The following PLXNA4 variants were observed in gnomAD, a reference collection of about 807,000 sequenced individuals.
The protein encoded by PLXNA4 is plexin-A4.
Under a neutral mutation model 191.8 loss-of-function variants are expected in PLXNA4, and 44 were observed. The observed-to-expected ratio is 0.23, with a 90% CI of 0.18 to 0.29. PLXNA4 has a LOEUF of 0.29. Among genes scored for constraint, PLXNA4 ranks in the 10% least tolerant of loss-of-function variants. The pLI is 1.00. For synonymous variants in PLXNA4, 1,082 were observed against 1,009.5 expected, an observed-to-expected ratio of 1.07 and a Z score of -1.36; for missense variants, 1,800 against 2,488.8, an observed-to-expected ratio of 0.72 and a Z score of 5.89.
chr7:132,506,155 T>C (rs1245457759), intron 2 of PLXNA4, among the ~76,000 whole-genome samples: 1 of 152,080 alleles, frequency 6.6e-6, no homozygotes, highest in African/African-American at 2.4e-5. Context: ...GGAAAACAGC[T>C]TAAGCCTAAT....
chr7:132,609,067 G>C (rs1350011939), intron 2 of PLXNA4, among the ~76,000 whole-genome samples: 2 of 152,126 alleles, frequency 1.3e-5, no homozygotes, highest in Non-Finnish European at 2.9e-5. Context: ...TAAAGGCCCA[G>C]CTCAGTGTCC....
chr7:132,579,760 C>A (rs1042428552), upstream of PLXNA4, among the ~76,000 whole-genome samples: 2 of 151,496 alleles, frequency 1.3e-5, no homozygotes, highest in Non-Finnish European at 2.9e-5. Context: ...GGCCATATCT[C>A]AAATTGCCTT....
intron 4 of PLXNA4, among the ~76,000 whole-genome samples, chr7:132,285,207 T>C (rs1275350608): frequency 2.0e-5 from 3 of 152,236 alleles, no homozygotes; most frequent in African/African-American, 7.2e-5. Flanking sequence ...ATTCCCATTT[T>C]GTCGATGAAG....
In PLXNA4 at chr7:132,124,256, A is replaced by C. The variant is rs1794710601; in HGVS notation, c.*6223T>G. 1 of 152,232 alleles carries C rather than the reference A, an allele frequency of 6.6e-6. No individual in the cohort carries two copies. Among genetic ancestry groups the C allele is most frequent in the Non-Finnish European group, 1.5e-5 (1 of 68,036 alleles). The allele number at this position is 152,232 out of a possible 1,614,324, so 9.4% of individuals were successfully genotyped here. On this transcript the variant is annotated 3_prime_UTR_variant, in exon 32 of 32. Coordinates refer to ENST00000321063, the MANE Select transcript of PLXNA4 (RefSeq NM_020911.2). ...TAAGCTAGCTTTTCATTTTAAGAACAGAAGGTTTAACAAGTCAACAAGCTA... is the reference window on the plus strand; with the variant it reads ...TAAGCTAGCTTTTCATTTTAAGAACCGAAGGTTTAACAAGTCAACAAGCTA...
At chr7:132,179,378 T>G (rs1796622066) in intron 20 of PLXNA4, among the ~76,000 whole-genome samples, 1 of 147,674 alleles carries the variant, frequency 6.8e-6, no homozygotes, top group East Asian at 2.0e-4. Flanking sequence ...TGCTTGCTTG[T>G]ACATGAAACA....
At chr7:132,563,341 CCTCCTCTTT>C (rs1801440282) in intron 1 of PLXNA4, among the ~76,000 whole-genome samples, 1 of 113,942 alleles carries the variant, frequency 8.8e-6, no homozygotes, top group Non-Finnish European at 1.8e-5. Flanking sequence ...TCCTCCTTCT[CCTCCTCTTT>C]CTCCTCCTTC....
chr7:132,564,677 G>C (rs1048801887), intron 1 of PLXNA4, among the ~76,000 whole-genome samples: 1 of 152,150 alleles, frequency 6.6e-6, no homozygotes, highest in African/African-American at 2.4e-5. Flanking sequence ...TTGACTGATT[G>C]CTTGATCAAT....
chr7:132,325,883 G>A (rs929842716), intron 3 of PLXNA4, among the ~76,000 whole-genome samples: 3 of 152,172 alleles, frequency 2.0e-5, no homozygotes, highest in Non-Finnish European at 2.9e-5. Flanking sequence ...TCTTACAGCA[G>A]GCAGCGGATT....
chr7:132,643,867 G>A (rs535159741), intron 2 of PLXNA4, among the ~76,000 whole-genome samples: 13 of 152,080 alleles, frequency 8.5e-5, no homozygotes, highest in Non-Finnish European at 1.5e-4. Context: ...CAGAAGGATC[G>A]CTTGAGCCCA....
chr7:132,279,578 G>T (rs1055624371), intron 4 of PLXNA4, among the ~76,000 whole-genome samples: 2 of 152,124 alleles, frequency 1.3e-5, no homozygotes, highest in African/African-American at 4.8e-5. Flanking sequence ...TAAGGCTGCA[G>T]TGGGCCATGA....
chr7:132,193,939 G>A, intron 14 of PLXNA4, 123 bp downstream of exon 14: 3 of 1,277,428 alleles, frequency 2.3e-6, no homozygotes, highest in Non-Finnish European at 2.1e-6. Flanking sequence ...CTCATGAACT[G>A]AGGGAGGTTG....
At position 132,127,231 on chromosome 7, in the gene PLXNA4, A is replaced by ATAAGT. The variant is rs1554445809; in HGVS notation, c.*3243_*3247dup. 1.3e-5 allele frequency: 2 copies of ATAAGT among 152,074 alleles called. No homozygotes were observed. The highest frequency in any genetic ancestry group is 2.1e-4 in the South Asian group (1 of 4,816). The allele number at this position is 152,074 out of a possible 1,614,324, so 9.4% of individuals were successfully genotyped here. ...ACCATTTTCCCTGGGAGGGTACGGG[A>ATAAGT]TAAGTTGGAGGGGAAGGTAAGGAAG... On this transcript the variant is annotated 3_prime_UTR_variant, in exon 32 of 32. Coordinates refer to ENST00000321063, the MANE Select transcript of PLXNA4 (RefSeq NM_020911.2).
chr7:132,426,522 A>G (rs1314478644), intron 3 of PLXNA4, among the ~76,000 whole-genome samples: 2 of 152,208 alleles, frequency 1.3e-5, no homozygotes, highest in Non-Finnish European at 2.9e-5. Flanking sequence ...TGCATTCTAT[A>G]CATGGAAACT....
At chr7:132,494,888 C>A (rs1797947661) in intron 2 of PLXNA4, among the ~76,000 whole-genome samples, 1 of 152,236 alleles carries the variant, frequency 6.6e-6, no homozygotes, top group Non-Finnish European at 1.5e-5. Context: ...GCCACTGCCA[C>A]TGCCCAAGGA....
At chr7:132,464,400 A>G (rs1361321698) in intron 3 of PLXNA4, among the ~76,000 whole-genome samples, 1 of 152,078 alleles carries the variant, frequency 6.6e-6, no homozygotes, top group East Asian at 1.9e-4. Flanking sequence ...TTGGAATGAG[A>G]AGAGTTGATT....
At chr7:132,146,799 T>A in intron 27 of PLXNA4, 99 bp from the exon 28 acceptor site, 1 of 1,550,158 alleles carries the variant, frequency 6.5e-7, no homozygotes, top group Non-Finnish European at 8.7e-7. Context: ...CCAACGACTG[T>A]CTGATCATTC....
intron 1 of PLXNA4, among the ~76,000 whole-genome samples, chr7:132,533,404 A>C (rs563813427): frequency 6.6e-6 from 1 of 152,248 alleles, no homozygotes; most frequent in South Asian, 2.1e-4. Context: ...AAAAGAATTA[A>C]CTTGTCTCCA....
intron 3 of PLXNA4, among the ~76,000 whole-genome samples, chr7:132,363,155 T>C (rs1022785814): frequency 3.3e-5 from 5 of 152,148 alleles, no homozygotes; most frequent in African/African-American, 1.2e-4. Context: ...TGGCTAATTT[T>C]TGTGTTTTTA....
chr7:132,536,226 G>A (rs973384288), intron 1 of PLXNA4, among the ~76,000 whole-genome samples: 1 of 152,156 alleles, frequency 6.6e-6, no homozygotes, highest in African/African-American at 2.4e-5. Flanking sequence ...ATTGGTGTTT[G>A]CGGTTATTAT....
Sources: gnomAD v4.1 joint callset for allele counts (sites outside exome capture counted in the v4.1 genomes callset) on GRCh38, gnomAD v4.1.1 for gene constraint, MANE v1.5 for transcripts, NCBI Gene and HGNC (gene_info 2026-07-23, HGNC 2026-07-21) for gene names.